The following ADGRE2 variants were observed in gnomAD, a reference collection of about 807,000 sequenced individuals.
ADGRE2 encodes CD97 antigen.
ADGRE2 carries 83 observed loss-of-function variants against 100.8 expected under a neutral mutation model. That is an observed-to-expected ratio of 0.82 (90% CI 0.69 to 0.99). The LOEUF is 0.99. ADGRE2 is among the 50% of genes least tolerant of loss of function. The pLI is 0.00. For missense variants in ADGRE2, 814 were observed against 1,035.7 expected, an observed-to-expected ratio of 0.79 and a Z score of 2.94; for synonymous variants, 355 against 413.0, an observed-to-expected ratio of 0.86 and a Z score of 1.70.
chr19:14,757,767 G>A (rs2043552319), intron 11 of ADGRE2, among the ~76,000 whole-genome samples: 1 of 152,142 alleles, frequency 6.6e-6, no homozygotes, highest in Non-Finnish European at 1.5e-5. Context: ...GGAAACAGGG[G>A]TAAATCTTCC....
chr19:14,755,172 G>C (rs773443585), intron 13 of ADGRE2, 45 bp from the exon 14 acceptor site: 2 of 1,585,162 alleles, frequency 1.3e-6, no homozygotes, highest in Non-Finnish European at 1.7e-6. Flanking sequence ...GGTGGCTCAC[G>C]CCTGTAATCC....
intron 5 of ADGRE2, among the ~76,000 whole-genome samples, chr19:14,769,537 G>C: frequency 6.6e-6 from 1 of 152,160 alleles, no homozygotes. Context: ...GAGGCTTCAA[G>C]AGGCAGGTCC....
intron 14 of ADGRE2, 143 bp downstream of exon 14, chr19:14,754,811 G>A: frequency 1.2e-6 from 1 of 862,556 alleles, no homozygotes; most frequent in Non-Finnish European, 1.8e-6. Context: ...GTAAGACCCT[G>A]AGCAGAAAAG....
Position 14,755,677 on chromosome 19 carries a change from C to A in ADGRE2, c.1393G>T (p.Val465Phe), listed in dbSNP as rs1462763666. 1.2e-6 allele frequency: 2 copies of A among 1,614,138 alleles called. No individual in the cohort carries two copies. Among genetic ancestry groups the A allele is most frequent in the Non-Finnish European group, 1.7e-6 (2 of 1,180,006 alleles). ...NNDTQNLSSP[V>F]TFTFSHRSVI... The stretch of plus-strand genomic sequence containing the variant: ...ACACGGTGGGAGAAGGTGAAGGTAA[C>A]TGGGGAGCTGAGGTTTTGGGTGTCG... The change falls in exon 13 of 21, where the codon GTT becomes TTT. Residue 465 changes from valine (V) to phenylalanine (F), a missense_variant. Physicochemically the swap from Val to Phe is conservative, Grantham distance 50. Around this residue, in one of 5 missense-constraint regions of ADGRE2, gnomAD observed 569 missense variants for 692.7 expected, o/e 0.82. Coordinates refer to ENST00000315576, the MANE Select transcript of ADGRE2 (RefSeq NM_013447.4).
In ADGRE2 at chr19:14,743,323, C is replaced by T. The variant is rs1270105583; in HGVS notation, c.2463+97G>A. 8 of 907,700 alleles carry T rather than the reference C, an allele frequency of 8.8e-6. No homozygotes were observed. In the Admixed American group the frequency reaches 1.2e-4, roughly 14 times the overall value. 56.2% of individuals were successfully genotyped at this position (907,700 alleles called of 1,614,324 possible). ...TACTCAGATGCGAGCCTTTCTAGGG[C>T]ATTGCCTGCTGTATTCCCAGGTTTC... On this transcript the variant is annotated intron_variant, in intron 20 of 20. Transcript: ENST00000315576.
chr19:14,734,207 AT>A lies in ADGRE2; in HGVS notation c.*2028del, dbSNP rs1305208439. Reference sequence around the variant, plus strand: ...AAGTCACTTAACATTCAGGATCTCAATTTCTCTTTTGTAAAACAAATAGAGG... The same window carrying A: ...AAGTCACTTAACATTCAGGATCTCAATTCTCTTTTGTAAAACAAATAGAGG... On this transcript the variant is annotated 3_prime_UTR_variant, in exon 21 of 21. Transcript: ENST00000315576. 4 of 152,098 alleles carry A rather than the reference AT, an allele frequency of 2.6e-5. No individual in the cohort carries two copies. Among genetic ancestry groups the A allele is most frequent in the African/African-American group, 9.7e-5 (4 of 41,408 alleles). The allele number at this position is 152,098 out of a possible 1,614,324, so 9.4% of individuals were successfully genotyped here. A position where few individuals can be genotyped will look rare whatever the true frequency, so the allele number is the denominator to read the frequency against.
rs1487062366 is a variant in ADGRE2, at chr19:14,734,944, A to T, written c.*1292T>A. On this transcript the variant is annotated 3_prime_UTR_variant, in exon 21 of 21. Transcript: ENST00000315576. Reference sequence around the variant, plus strand: ...ATTATGCAAATGAGCTTTGGCTGACACTATGTTGCCTGCTTTTTACTGTAC... The same window carrying T: ...ATTATGCAAATGAGCTTTGGCTGACTCTATGTTGCCTGCTTTTTACTGTAC... 1.3e-5 allele frequency: 2 copies of T among 152,194 alleles called. No homozygotes were observed. The allele number at this position is 152,194 out of a possible 1,614,324, so 9.4% of individuals were successfully genotyped here.
chr19:14,731,841 A>G (rs2147053522), downstream of ADGRE2: 1 of 152,340 alleles, frequency 6.6e-6, no homozygotes, highest in South Asian at 2.1e-4. Context: ...CATCATAAAT[A>G]AAGAGAATGG....
chr19:14,776,629 A>T, intron 2 of ADGRE2, 97 bp downstream of exon 2: 1 of 1,395,804 alleles, frequency 7.2e-7, no homozygotes, highest in African/African-American at 1.4e-5. Context: ...CGCCGGCCCC[A>T]CAGACACCAG....
intron 20 of ADGRE2, among the ~76,000 whole-genome samples, chr19:14,738,031 C>A (rs2147087317): frequency 6.6e-6 from 1 of 150,406 alleles, no homozygotes; most frequent in South Asian, 2.1e-4. Flanking sequence ...TAACATTAAT[C>A]TACCATACAT....
chr19:14,766,669 C>T (rs1468551352), intron 6 of ADGRE2, among the ~76,000 whole-genome samples: 55 of 152,212 alleles, frequency 3.6e-4, no homozygotes, highest in Admixed American at 3.5e-3. Flanking sequence ...CTGCTCCCTC[C>T]CTCACTATGG....
chr19:14,767,285 C>T (rs2044025289), intron 5 of ADGRE2, among the ~76,000 whole-genome samples, 176 bp from the exon 6 acceptor site: 1 of 150,274 alleles, frequency 6.7e-6, no homozygotes, highest in Admixed American at 6.7e-5. Context: ...GTCACCCAGG[C>T]TGGAGTGCAA....
intron 14 of ADGRE2, 89 bp from the exon 15 acceptor site, chr19:14,752,615 A>G: frequency 6.8e-7 from 1 of 1,460,058 alleles, no homozygotes; most frequent in Non-Finnish European, 9.3e-7. Flanking sequence ...ACTTTGGCAT[A>G]GCACATTCAA....
At position 14,738,964 on chromosome 19, in the gene ADGRE2, CTTTTCT is replaced by C. The variant is rs1349891060; in HGVS notation, c.2464-2726_2464-2721del. On this transcript the variant is annotated intron_variant, in intron 20 of 20. Transcript: ENST00000315576. ...CAAGACACACATTTTCTTTTCTTTT[CTTTTCT>C]TTTTTTTTTTTTTTTTGAGACATAG... 9.1e-3 allele frequency among the ~76,000 whole-genome samples: 1,195 copies of C among 131,246 alleles called. 10 individuals carry two copies. The highest frequency in any genetic ancestry group is 0.034 in the African/African-American group (1,106 of 32,320). The allele number at this position is 131,246 out of a possible 152,430, so 86.1% of individuals were successfully genotyped here.
intron 16 of ADGRE2, among the ~76,000 whole-genome samples, chr19:14,747,891 GTTTA>G (rs2043140655): frequency 6.6e-6 from 1 of 152,116 alleles, no homozygotes; most frequent in Non-Finnish European, 1.5e-5. Flanking sequence ...ATTACGTTTT[GTTTA>G]TTCATTCATC....
At chr19:14,760,113 C>G (rs535081148) in intron 11 of ADGRE2, among the ~76,000 whole-genome samples, 1 of 152,106 alleles carries the variant, frequency 6.6e-6, no homozygotes, top group African/African-American at 2.4e-5. Context: ...CCACCGTGCC[C>G]GGCCCAAGTT....
downstream of ADGRE2, among the ~76,000 whole-genome samples, chr19:14,727,541 A>G (rs1211701615): frequency 6.6e-6 from 1 of 152,090 alleles, no homozygotes; most frequent in Admixed American, 6.5e-5. Flanking sequence ...GAACTACCAG[A>G]GCAAGAACTG....
At chr19:14,752,974 G>C (rs1326350461) in intron 14 of ADGRE2, among the ~76,000 whole-genome samples, 1 of 152,030 alleles carries the variant, frequency 6.6e-6, no homozygotes, top group East Asian at 1.9e-4. Context: ...GTCACACCAT[G>C]TTGGCCAGGC....
At chr19:14,728,442 C>T (rs1440103212), downstream of ADGRE2, among the ~76,000 whole-genome samples, 2 of 152,144 alleles carry the variant, frequency 1.3e-5, no homozygotes, top group Non-Finnish European at 2.9e-5. Context: ...TCTTCTGTAG[C>T]TTCATATCAG....
Sources: gnomAD v4.1 joint callset for allele counts (sites outside exome capture counted in the v4.1 genomes callset) on GRCh38, gnomAD v4.1.1 for gene constraint, gnomAD v4.1.1 regional missense constraint, MANE v1.5 for transcripts, NCBI Gene and HGNC (gene_info 2026-07-23, HGNC 2026-07-21) for gene names.